Variants in LRFN2 observed in about 807,000 individuals in gnomAD.
The protein encoded by LRFN2 is leucine-rich repeat and fibronectin type-III domain-containing protein 2.
Under a neutral mutation model 37.3 loss-of-function variants are expected in LRFN2, and 18 were observed. The ratio of observed to expected loss-of-function variants is 0.48; its 90% CI spans 0.33 to 0.72. LRFN2 has a LOEUF of 0.72. Ranked by LOEUF, LRFN2 falls within the 30% of genes least tolerant of loss-of-function variation. LRFN2 has a pLI of 0.02. For missense variants in LRFN2, 1,006 were observed against 1,060.7 expected (o/e 0.95, Z 0.72); for synonymous variants, 556 against 466.6 (o/e 1.19, Z -2.47).
intron 1 of LRFN2, among the ~76,000 whole-genome samples, chr6:40,553,574 G>A (rs1180726566): frequency 2.0e-5 from 3 of 152,160 alleles, no homozygotes; most frequent in Admixed American, 6.5e-5. Flanking sequence ...GGAAGGTCTA[G>A]GAGGGCAAGG....
intron 1 of LRFN2, among the ~76,000 whole-genome samples, chr6:40,462,858 C>A (rs561658147): frequency 2.6e-5 from 4 of 152,142 alleles, no homozygotes; most frequent in Admixed American, 2.6e-4. Context: ...CCCAATGTAC[C>A]CTTGCCTAGT....
chr6:40,513,898 G>A (rs1334321366), intron 1 of LRFN2, among the ~76,000 whole-genome samples: 1 of 152,012 alleles, frequency 6.6e-6, no homozygotes, highest in Non-Finnish European at 1.5e-5. Flanking sequence ...GGAGCAGTGT[G>A]TGCAAAGTCT....
intron 1 of LRFN2, among the ~76,000 whole-genome samples, chr6:40,558,264 C>T (rs1024838950): frequency 7.9e-5 from 12 of 152,344 alleles, no homozygotes; most frequent in African/African-American, 2.6e-4. Context: ...GAGCAGCCAG[C>T]AGCCTGTGTC....
intron 1 of LRFN2, among the ~76,000 whole-genome samples, chr6:40,556,032 A>G (rs1352735183): frequency 6.6e-6 from 1 of 152,224 alleles, no homozygotes; most frequent in African/African-American, 2.4e-5. Context: ...ACTCTGTTCC[A>G]GGCACACGCC....
intron 1 of LRFN2, among the ~76,000 whole-genome samples, chr6:40,521,014 T>G (rs1581773949): frequency 6.6e-6 from 1 of 151,708 alleles, no homozygotes; most frequent in African/African-American, 2.4e-5. Context: ...CAGTGAAGAG[T>G]GCAGGGAGGC....
chr6:40,393,313 T>A (rs549205367), intron 2 of LRFN2, among the ~76,000 whole-genome samples: 2 of 151,574 alleles, frequency 1.3e-5, no homozygotes, highest in South Asian at 4.2e-4. Context: ...CGAGGATGTG[T>A]CAGAGACCAA....
intron 1 of LRFN2, among the ~76,000 whole-genome samples, chr6:40,562,964 G>A (rs1395682935): frequency 1.3e-5 from 2 of 152,018 alleles, no homozygotes; most frequent in South Asian, 2.1e-4. Context: ...TGGCCATGGC[G>A]GTGTGGGGGT....
chr6:40,532,663 C>T (rs942514262), intron 1 of LRFN2, among the ~76,000 whole-genome samples: 1 of 152,184 alleles, frequency 6.6e-6, no homozygotes, highest in African/African-American at 2.4e-5. Flanking sequence ...AAAGCAGTTC[C>T]GGATTTCCCA....
intron 2 of LRFN2, among the ~76,000 whole-genome samples, chr6:40,416,322 A>G (rs1763091528): frequency 6.7e-6 from 1 of 149,818 alleles, no homozygotes. Flanking sequence ...GAGGTGTAAC[A>G]TTTTAGCCAG....
chr6:40,516,296 G>C (rs1259858118), intron 1 of LRFN2: 1 of 152,212 alleles, frequency 6.6e-6, no homozygotes, highest in East Asian at 1.9e-4. Context: ...TCTGTTTAGG[G>C]TTCCAGATAT....
At chr6:40,568,808 G>A (rs778186576) in intron 1 of LRFN2, among the ~76,000 whole-genome samples, 2 of 151,410 alleles carry the variant, frequency 1.3e-5, no homozygotes, top group Admixed American at 6.6e-5. Context: ...TGTAACCTCC[G>A]CCTCCTGGGT....
At chr6:40,585,833 G>C (rs1418738214) in intron 1 of LRFN2, among the ~76,000 whole-genome samples, 1 of 150,710 alleles carries the variant, frequency 6.6e-6, no homozygotes, top group Admixed American at 6.6e-5. Flanking sequence ...ACATACACAT[G>C]CGTACACACA....
chr6:40,459,446 A>G (rs1764300921), intron 1 of LRFN2, among the ~76,000 whole-genome samples: 1 of 152,194 alleles, frequency 6.6e-6, no homozygotes, highest in South Asian at 2.1e-4. Context: ...TAAATTGCAA[A>G]CACTGTCTTT....
chr6:40,457,056 C>T (rs965228322), intron 1 of LRFN2, among the ~76,000 whole-genome samples: 5 of 152,044 alleles, frequency 3.3e-5, no homozygotes, highest in African/African-American at 1.2e-4. Flanking sequence ...GCACCCCTCC[C>T]CACCACCCTT....
At chr6:40,481,717 G>A (rs967935026) in intron 1 of LRFN2, among the ~76,000 whole-genome samples, 2 of 152,130 alleles carry the variant, frequency 1.3e-5, no homozygotes, top group Admixed American at 1.3e-4. Context: ...CAGTGACTGT[G>A]CCAAATGCTC....
intron 1 of LRFN2, among the ~76,000 whole-genome samples, chr6:40,528,182 C>A (rs1299690141): frequency 6.6e-6 from 1 of 152,238 alleles, no homozygotes; most frequent in African/African-American, 2.4e-5. Flanking sequence ...CTGTTGTCAA[C>A]CTTTGAACTC....
chr6:40,453,780 A>G (rs1238459218), intron 1 of LRFN2, among the ~76,000 whole-genome samples: 2 of 152,342 alleles, frequency 1.3e-5, no homozygotes, highest in East Asian at 1.9e-4. Context: ...CCCAAGGATC[A>G]GTAAGTCACT....
At chr6:40,577,894 G>A (rs1187427814) in intron 1 of LRFN2, among the ~76,000 whole-genome samples, 3 of 151,872 alleles carry the variant, frequency 2.0e-5, no homozygotes, top group African/African-American at 7.3e-5. Context: ...TGGGACAAAG[G>A]TGTTGGGGTG....
At chr6:40,442,840 C>T (rs906934580) in intron 1 of LRFN2, among the ~76,000 whole-genome samples, 77 of 152,182 alleles carry the variant, frequency 5.1e-4, no homozygotes, top group African/African-American at 1.1e-3. Flanking sequence ...CCTGGTTGTG[C>T]GGAGCTGGGC....
Sources: allele counts gnomAD v4.1 joint callset (sites outside exome capture counted in the v4.1 genomes callset), GRCh38; gene constraint gnomAD v4.1.1; transcripts MANE v1.5; gene names NCBI Gene and HGNC (gene_info 2026-07-23, HGNC 2026-07-21).